Variants in EML6 observed in about 807,000 individuals in gnomAD.
EML6 encodes EMAP like 6.
A neutral mutation model predicts 240.1 loss-of-function variants in EML6; 154 were observed. The ratio of observed to expected loss-of-function variants is 0.64; its 90% CI spans 0.56 to 0.73. The LOEUF (loss-of-function observed/expected upper bound fraction) is 0.73, where lower values mean the gene tolerates loss of function less well. Among genes scored for constraint, EML6 ranks in the 30% least tolerant of loss-of-function variants. The pLI is 0.00. For missense variants in EML6, 2,964 were observed against 2,474.6 expected (o/e 1.20, Z -4.20); for synonymous variants, 1,148 against 899.0 (o/e 1.28, Z -4.95).
intron 5 of EML6, among the ~76,000 whole-genome samples, chr2:54,826,711 C>T (rs990784083): frequency 6.6e-6 from 1 of 152,256 alleles, no homozygotes; most frequent in Non-Finnish European, 1.5e-5. Flanking sequence ...GTATGGTCTT[C>T]TACACAATGG....
intron 2 of EML6, among the ~76,000 whole-genome samples, chr2:54,789,543 A>AAAAAAGAAAAAG (rs1558549481): frequency 6.9e-6 from 1 of 145,658 alleles, no homozygotes; most frequent in Non-Finnish European, 1.5e-5. Context: ...AAAAAAAAAA[A>AAAAAAGAAAAAG]AAAAAGAAAA....
chr2:54,882,040 G>T (rs1046093981), intron 17 of EML6: 6 of 152,330 alleles, frequency 3.9e-5, no homozygotes, highest in African/African-American at 1.4e-4. Flanking sequence ...CTCAGAAGTT[G>T]CTCCTCCCCT....
intron 30 of EML6, among the ~76,000 whole-genome samples, chr2:54,951,705 A>C (rs1466924872): frequency 7.6e-6 from 1 of 130,904 alleles, no homozygotes; most frequent in Admixed American, 9.4e-5. Flanking sequence ...GCCTCAAGAA[A>C]AAAAAAAAAA....
chr2:54,868,956 C>T (rs1223903969), intron 14 of EML6: 4 of 459,714 alleles, frequency 8.7e-6, no homozygotes, highest in Non-Finnish European at 1.5e-5. Flanking sequence ...TGAGGATCTG[C>T]TAACAGATTC....
rs1671710604 is a variant in EML6, at chr2:54,879,587, T to C, written c.2385T>C (p.Phe795=). ...TGGTGTCGGTTGGTTTAGACGATTT[T>C]CACAGTATTGTATTTTGGGACTGGA... ...KCLVSVGLDD[F]HSIVFWDWKK... The change falls in exon 17 of 42, where the codon TTT becomes TTC. Residue 795 remains phenylalanine, a synonymous_variant. Coordinates refer to ENST00000356458, the MANE Select transcript of EML6 (RefSeq NM_001039753.4). 2.6e-6 allele frequency: 4 copies of C among 1,552,154 alleles called. No homozygotes were observed. The highest frequency in any genetic ancestry group is 3.5e-6 in the Non-Finnish European group (4 of 1,146,998).
chr2:54,878,715 A>G (rs2103970956), intron 16 of EML6, among the ~76,000 whole-genome samples: 1 of 152,350 alleles, frequency 6.6e-6, no homozygotes, highest in African/African-American at 2.4e-5. Context: ...AAGCAGTTAT[A>G]CATAGGGATT....
At chr2:54,855,405 T>C (rs1194795233) in intron 11 of EML6, among the ~76,000 whole-genome samples, 1 of 151,994 alleles carries the variant, frequency 6.6e-6, no homozygotes, top group Non-Finnish European at 1.5e-5. Context: ...AAGAGGATGA[T>C]GCTAACCTAT....
At chr2:54,740,560 A>T (rs139581381) in intron 2 of EML6, among the ~76,000 whole-genome samples, 1 of 152,336 alleles carries the variant, frequency 6.6e-6, no homozygotes, top group African/African-American at 2.4e-5. Flanking sequence ...TTATAGCAAT[A>T]CGAATGTCCA....
intron 12 of EML6, among the ~76,000 whole-genome samples, chr2:54,863,270 A>G (rs908565705): frequency 6.6e-6 from 1 of 152,226 alleles, no homozygotes; most frequent in Non-Finnish European, 1.5e-5. Context: ...ATTTTACAAA[A>G]CAAAGCTTAA....
In EML6 at chr2:54,863,816, A is replaced by G. The variant is rs2103860885; in HGVS notation, c.1859A>G (p.Asp620Gly). The G allele has an allele frequency of 6.5e-7, 1 of 1,549,356 alleles. No individual in the cohort carries two copies. The highest frequency in any genetic ancestry group is 2.4e-5 in the East Asian group (1 of 40,826). Residue 620 changes from aspartate to glycine, a missense_variant, in exon 13 of 42, where the codon GAT (aspartate) becomes GGT (glycine). Coordinates refer to ENST00000356458, the MANE Select transcript of EML6 (RefSeq NM_001039753.4). ...GGADSYSEES[D>G]SDLSDVPELD... ...GCTGATTCCTACAGTGAAGAATCTG[A>G]TTCAGATTTATCTGATGTGCCCGAA...
intron 2 of EML6, among the ~76,000 whole-genome samples, chr2:54,741,368 G>C (rs573968046): frequency 6.6e-6 from 1 of 152,220 alleles, no homozygotes; most frequent in East Asian, 1.9e-4. Context: ...TTCTGATTCA[G>C]TAGGTATAGG....
chr2:54,882,390 C>G (rs1671863683), intron 17 of EML6: 1 of 151,004 alleles, frequency 6.6e-6, no homozygotes, highest in Non-Finnish European at 1.5e-5. Context: ...ACATCACTGT[C>G]AATCAGGGCA....
chr2:54,921,777 A>G (rs747927317), intron 26 of EML6, among the ~76,000 whole-genome samples: 35 of 152,214 alleles, frequency 2.3e-4, no homozygotes, highest in Non-Finnish European at 4.1e-4. Context: ...ATATCCATAT[A>G]TATTATATAG....
intron 17 of EML6, chr2:54,880,884 G>A (rs1327503638): frequency 6.6e-6 from 1 of 152,146 alleles, no homozygotes; most frequent in Non-Finnish European, 1.5e-5. Flanking sequence ...TTTCCTGCTA[G>A]AAAACCCTCT....
At chr2:54,852,420 T>C (rs1670140101) in intron 10 of EML6, among the ~76,000 whole-genome samples, 1 of 152,252 alleles carries the variant, frequency 6.6e-6, no homozygotes, top group African/African-American at 2.4e-5. Flanking sequence ...AACACATGTT[T>C]ATCATTTGCA....
At chr2:54,907,937 TAGA>T (rs776078144) in intron 24 of EML6, among the ~76,000 whole-genome samples, 248 of 38,936 alleles carry the variant, frequency 6.4e-3, no homozygotes, top group Middle Eastern at 0.014. Context: ...GATAGATAGA[TAGA>T]TAGATAAGAT....
At chr2:54,897,406 G>A (rs182216811) in intron 21 of EML6, among the ~76,000 whole-genome samples, 177 of 152,292 alleles carry the variant, frequency 1.2e-3, no homozygotes, top group Middle Eastern at 0.01. Flanking sequence ...ACCGTTGTAC[G>A]ACATTTGTCT....
At chr2:54,872,949 C>T (rs938261412) in intron 16 of EML6, among the ~76,000 whole-genome samples, 5 of 152,136 alleles carry the variant, frequency 3.3e-5, no homozygotes, top group Admixed American at 1.3e-4. Flanking sequence ...CTTGTGTCAG[C>T]GTCTCCCAGG....
At chr2:54,851,157 C>G (rs1258696950) in intron 10 of EML6, among the ~76,000 whole-genome samples, 5 of 152,236 alleles carry the variant, frequency 3.3e-5, no homozygotes, top group Admixed American at 3.3e-4. Context: ...GCCTGTAATC[C>G]TAGCACTTTT....
Sources: allele counts gnomAD v4.1 joint callset (sites outside exome capture counted in the v4.1 genomes callset), GRCh38; gene constraint gnomAD v4.1.1; transcripts MANE v1.5; gene names NCBI Gene and HGNC (gene_info 2026-07-23, HGNC 2026-07-21).